The following DNAI3 variants were observed in gnomAD, a reference collection of about 807,000 sequenced individuals.
DNAI3 encodes dynein axonemal intermediate chain 3, also known as WD repeat domain 63.
DNAI3 carries 83 observed loss-of-function variants against 115.5 expected under a neutral mutation model. The observed-to-expected ratio is 0.72, with a 90% CI of 0.60 to 0.86. DNAI3 has a LOEUF of 0.86. DNAI3 is among the 40% of genes least tolerant of loss of function. The probability of loss-of-function intolerance (pLI) is 0.00; values close to 1 mark genes in which losing one functional copy is unlikely to be tolerated. For missense variants in DNAI3, 1,004 were observed against 1,075.8 expected (o/e 0.93, Z 0.93); for synonymous variants, 320 against 347.0 (o/e 0.92, Z 0.86).
At chr1:85,101,194 T>G (rs1169933006) in intron 13 of DNAI3, among the ~76,000 whole-genome samples, 2 of 151,932 alleles carry the variant, frequency 1.3e-5, no homozygotes, top group Non-Finnish European at 2.9e-5. Context: ...ATTAGAGTTG[T>G]AAGAGGTGAT....
intron 4 of DNAI3, among the ~76,000 whole-genome samples, chr1:85,081,993 G>T (rs577768554): frequency 2.0e-5 from 3 of 152,258 alleles, no homozygotes; most frequent in Admixed American, 2.0e-4. Context: ...TGCTTTAATT[G>T]TTTAATTCAT....
chr1:85,104,458 A>C, intron 13 of DNAI3, 66 bp from the exon 14 acceptor site: 1 of 1,370,786 alleles, frequency 7.3e-7, no homozygotes, highest in Non-Finnish European at 1.0e-6. Flanking sequence ...CAAAGAAGAA[A>C]AGAATTTAAA....
intron 1 of DNAI3, among the ~76,000 whole-genome samples, chr1:85,069,353 A>G (rs575761518): frequency 5.8e-5 from 3 of 51,986 alleles, no homozygotes; most frequent in African/African-American, 1.3e-4. Flanking sequence ...TCTCCTTAGT[A>G]GTTCTTAAAA....
In DNAI3 at chr1:85,108,177, G is replaced by T. The variant is rs763904035; in HGVS notation, c.1698G>T (p.Lys566Asn). ...ATCTCTCCTGGAAACCTCTCACTAA[G>T]GTAAGTAATGTGGGGTTTTTAGTCC... ...HLDLSWKPLT[K>N]VRLSKGETSL... The change falls in exon 15 of 23, where the codon AAG becomes AAT. Residue 566 changes from lysine (K) to asparagine (N), a missense_variant and splice_region_variant. This residue lies in a region of DNAI3 where 429 missense variants were observed against 454.3 expected (regional missense o/e 0.94). Transcript: ENST00000294664. 1 of 1,585,422 alleles carries T rather than the reference G, an allele frequency of 6.3e-7. No individual in the cohort carries two copies. The highest frequency in any genetic ancestry group is 1.2e-5 in the South Asian group (1 of 84,850).
chr1:85,117,663 CTG>C, intron 16 of DNAI3, 64 bp from the exon 17 acceptor site: 3 of 1,579,900 alleles, frequency 1.9e-6, no homozygotes, highest in Non-Finnish European at 2.6e-6. Flanking sequence ...AAAATGTAAA[CTG>C]TCTATATTTT....
chr1:85,092,905 G>T (rs1445435546), intron 8 of DNAI3, among the ~76,000 whole-genome samples: 7 of 151,928 alleles, frequency 4.6e-5, no homozygotes, highest in African/African-American at 1.7e-4. Context: ...ATGTATTGGG[G>T]CTATCCTGTT....
chr1:85,084,767 A>G, intron 6 of DNAI3, 72 bp downstream of exon 6: 2 of 1,297,344 alleles, frequency 1.5e-6, no homozygotes, highest in Non-Finnish European at 2.0e-6. Context: ...TGAGGGATTC[A>G]TAAGGTTTAC....
chr1:85,087,837 T>C (rs542123073), intron 7 of DNAI3, among the ~76,000 whole-genome samples: 7 of 152,234 alleles, frequency 4.6e-5, no homozygotes, highest in African/African-American at 1.2e-4. Flanking sequence ...CTCAGCACCA[T>C]GGAATGCAAT....
intron 13 of DNAI3, among the ~76,000 whole-genome samples, chr1:85,103,963 A>C (rs779242187): frequency 5.9e-4 from 88 of 149,668 alleles, no homozygotes; most frequent in Middle Eastern, 3.5e-3. Context: ...TGTTCAAATT[A>C]TGTGGAGGGA....
chr1:85,093,329 C>T (rs1451330159), intron 8 of DNAI3, 129 bp from the exon 9 acceptor site: 11 of 890,272 alleles, frequency 1.2e-5, no homozygotes, highest in African/African-American at 3.4e-5. Flanking sequence ...TAATCATTAT[C>T]ACCAAATATA....
At chr1:85,100,966 A>C (rs1214316573) in intron 13 of DNAI3, among the ~76,000 whole-genome samples, 4 of 143,308 alleles carry the variant, frequency 2.8e-5, no homozygotes, top group Non-Finnish European at 4.5e-5. Flanking sequence ...CACTCTGGGG[A>C]CTGTTGTGGG....
intron 22 of DNAI3, among the ~76,000 whole-genome samples, chr1:85,131,523 T>G (rs1486971677): frequency 6.7e-6 from 1 of 150,164 alleles, no homozygotes; most frequent in East Asian, 2.0e-4. Flanking sequence ...ATTAACATTA[T>G]CACTCATTGA....
chr1:85,068,378 T>C (rs930608752), intron 1 of DNAI3, among the ~76,000 whole-genome samples: 8 of 152,186 alleles, frequency 5.3e-5, no homozygotes, highest in Non-Finnish European at 1.0e-4. Flanking sequence ...ATAAGCGATA[T>C]GTTCAAGTCA....
chr1:85,099,007 G>A (rs1286847689), intron 13 of DNAI3, among the ~76,000 whole-genome samples: 2 of 152,208 alleles, frequency 1.3e-5, no homozygotes, highest in Non-Finnish European at 2.9e-5. Context: ...ATATCTGGGG[G>A]AAGGGAACCC....
chr1:85,091,907 A>T (rs1408981027), intron 8 of DNAI3, among the ~76,000 whole-genome samples: 1 of 152,222 alleles, frequency 6.6e-6, no homozygotes, highest in Non-Finnish European at 1.5e-5. Flanking sequence ...CTAAGGAGGT[A>T]GAATCAGGAA....
intron 2 of DNAI3, 74 bp downstream of exon 2, chr1:85,072,079 G>C (rs1654293493): frequency 7.4e-7 from 1 of 1,342,492 alleles, no homozygotes; most frequent in East Asian, 2.4e-5. Context: ...AATGATTATG[G>C]TTTTACATAT....
chr1:85,072,089 T>A lies in DNAI3; in HGVS notation c.64+84T>A. ...AGCAAAATGATTATGGTTTTACATA[T>A]CAAATGAAATAAAATATTTCTGTGA... On this transcript the variant is annotated intron_variant, in intron 2 of 22. Coordinates refer to ENST00000294664, the MANE Select transcript of DNAI3 (RefSeq NM_145172.5). 5 of 1,258,890 alleles carry A rather than the reference T, an allele frequency of 4.0e-6. 1 individual carries two copies. The South Asian group carries it at 5.5e-5, about 14-fold the overall frequency. The allele number at this position is 1,258,890 out of a possible 1,614,324, so 78.0% of individuals were successfully genotyped here.
At chr1:85,115,109 A>G (rs917936518) in intron 16 of DNAI3, among the ~76,000 whole-genome samples, 1 of 152,218 alleles carries the variant, frequency 6.6e-6, no homozygotes, top group Non-Finnish European at 1.5e-5. Context: ...GCCACAATGT[A>G]TTATTTGACC....
At position 85,090,222 on chromosome 1, in the gene DNAI3, G is replaced by A. The variant is rs1654931141; in HGVS notation, c.847G>A (p.Ala283Thr). Residue 283 changes from alanine (A) to threonine (T), a missense_variant, in exon 8 of 23, where the codon GCA becomes ACA. By Grantham distance (58) the Ala-to-Thr change is moderately conservative (BLOSUM62 0). Transcript: ENST00000294664. ...SKPLVDFLNN[A>T]SISVEIALQQ... ...GCCTTTGGTTGATTTTCTTAACAAT[G>A]CATCCATAAGGTAAAAAATTGCATA... The A allele has an allele frequency of 6.5e-7, 1 of 1,548,918 alleles. No homozygotes were observed. The highest frequency in any genetic ancestry group is 1.4e-5 in the African/African-American group (1 of 72,478).
Sources: allele counts gnomAD v4.1 joint callset (sites outside exome capture counted in the v4.1 genomes callset), GRCh38; gene constraint gnomAD v4.1.1; regional missense constraint gnomAD v4.1.1; transcripts MANE v1.5; gene names NCBI Gene and HGNC (gene_info 2026-07-23, HGNC 2026-07-21).